The following PRKG2 variants were observed in gnomAD, a reference collection of about 807,000 sequenced individuals.
PRKG2 encodes the protein cGMP-dependent protein kinase 2.
In PRKG2, 33 loss-of-function variants were observed where a neutral mutation model predicts 97.2. That is an observed-to-expected ratio of 0.34 (90% CI 0.26 to 0.45). The LOEUF is 0.45. PRKG2 is among the 20% of genes least tolerant of loss of function. PRKG2 has a pLI of 1.00. For missense variants in PRKG2, 638 were observed against 900.0 expected (o/e 0.71, Z 3.73); for synonymous variants, 330 against 321.8 (o/e 1.03, Z -0.27).
chr4:81,181,384 A>G (rs1751394980), intron 2 of PRKG2, among the ~76,000 whole-genome samples: 2 of 151,888 alleles, frequency 1.3e-5, no homozygotes, highest in South Asian at 4.1e-4. Context: ...TGCAGTTAAA[A>G]TGATGCATAG....
Position 81,089,647 on chromosome 4 carries a change from G to T in PRKG2, c.*61C>A. The T allele has an allele frequency of 1.6e-6, 2 of 1,225,260 alleles. No homozygotes were observed. Among genetic ancestry groups the T allele is most frequent in the Non-Finnish European group, 2.4e-6 (2 of 847,306 alleles). 75.9% of individuals were successfully genotyped at this position (1,225,260 alleles called of 1,614,324 possible). On this transcript the variant is annotated 3_prime_UTR_variant, in exon 19 of 19. Coordinates refer to ENST00000264399, the MANE Select transcript of PRKG2 (RefSeq NM_006259.3). ...TACTCTGAAAAGAAAATAATGTGTT[G>T]GATTATTGATCCTTGAGGTCCTCTT... is the stretch of plus-strand genomic sequence containing the variant.
Position 81,204,562 on chromosome 4 carries a change from T to C in PRKG2, c.461+25A>G, listed in dbSNP as rs1753524320. ...TTTCACAATATTAAGCCCATCTGAG[T>C]TTAAAGGATGCGGAAATTTCTTACC... On this transcript the variant is annotated intron_variant, in intron 2 of 18. Transcript: ENST00000264399. 4 of 1,590,184 alleles carry C rather than the reference T, an allele frequency of 2.5e-6. No individual in the cohort carries two copies. The East Asian group carries it at 6.7e-5, about 27-fold the overall frequency.
intron 6 of PRKG2, among the ~76,000 whole-genome samples, chr4:81,162,219 G>A (rs1337012084): frequency 1.3e-5 from 2 of 152,134 alleles, no homozygotes; most frequent in African/African-American, 4.8e-5. Context: ...TGCACACCAG[G>A]TACCCGGTGA....
At chr4:81,190,234 A>T (rs1230233936) in intron 2 of PRKG2, among the ~76,000 whole-genome samples, 2 of 152,212 alleles carry the variant, frequency 1.3e-5, no homozygotes, top group African/African-American at 4.8e-5. Context: ...ACAGATATGT[A>T]GACCAATGGA....
chr4:81,111,807 CA>C, intron 14 of PRKG2, among the ~76,000 whole-genome samples: 1 of 152,148 alleles, frequency 6.6e-6, no homozygotes, highest in Admixed American at 6.6e-5. Context: ...TTTTCTTTCA[CA>C]GGGGTATTTA....
At chr4:81,120,546 G>A (rs910625280) in intron 14 of PRKG2, among the ~76,000 whole-genome samples, 8 of 151,576 alleles carry the variant, frequency 5.3e-5, no homozygotes, top group East Asian at 1.9e-4. Flanking sequence ...TTTCATTTTT[G>A]TGAGTACTAA....
intron 14 of PRKG2, among the ~76,000 whole-genome samples, chr4:81,116,027 A>T (rs1443540): frequency 0.11 from 16,774 of 152,072 alleles, 1,686 homozygotes; most frequent in East Asian, 0.39. Flanking sequence ...CTCTATTTGA[A>T]TCTTTTTTTT....
At chr4:81,110,646 C>A in intron 14 of PRKG2, 35 bp from the exon 15 acceptor site, 2 of 1,609,190 alleles carry the variant, frequency 1.2e-6, no homozygotes, top group East Asian at 2.2e-5. Context: ...GTGCAGAAAC[C>A]ATAAAACTCA....
At chr4:81,209,608 A>G (rs1401669989) in intron 1 of PRKG2, among the ~76,000 whole-genome samples, 1 of 152,204 alleles carries the variant, frequency 6.6e-6, no homozygotes, top group Non-Finnish European at 1.5e-5. Context: ...TTTTTAGAGG[A>G]TTAAATGAGA....
At chr4:81,179,852 C>T (rs1188421343) in intron 2 of PRKG2, among the ~76,000 whole-genome samples, 1 of 152,030 alleles carries the variant, frequency 6.6e-6, no homozygotes, top group Non-Finnish European at 1.5e-5. Context: ...AGAAAGCTAA[C>T]AAGGATAGGC....
intron 14 of PRKG2, among the ~76,000 whole-genome samples, chr4:81,114,567 TG>T (rs1744317176): frequency 6.6e-6 from 1 of 152,226 alleles, no homozygotes; most frequent in Admixed American, 6.5e-5. Flanking sequence ...TGGCTAATAA[TG>T]GTCTGGCAAT....
intron 2 of PRKG2, among the ~76,000 whole-genome samples, chr4:81,202,375 A>T (rs1753369603): frequency 6.6e-6 from 1 of 152,214 alleles, no homozygotes; most frequent in Non-Finnish European, 1.5e-5. Context: ...TTAAGGAGGT[A>T]TCTGTACTTT....
At position 81,174,819 on chromosome 4, in the gene PRKG2, G is replaced by C. The variant is rs1750783788; in HGVS notation, c.602C>G (p.Pro201Arg). The C allele has an allele frequency of 1.2e-6, 2 of 1,612,278 alleles. No homozygotes were observed. The highest frequency in any genetic ancestry group is 1.7e-5 in the Admixed American group (1 of 59,936). The change falls in exon 3 of 19, where the codon CCA becomes CGA. Residue 201 changes from proline (P) to arginine (R), a missense_variant. Physicochemically the swap from Pro to Arg is moderately radical, Grantham distance 103. Around this residue, in one of 3 missense-constraint regions of PRKG2, gnomAD observed 332 missense variants for 421.7 expected, o/e 0.79. Coordinates refer to ENST00000264399, the MANE Select transcript of PRKG2 (RefSeq NM_006259.3). Reference protein sequence around the residue: ...QGSYIIKQGEPGNHIFVLAEG... With the variant: ...QGSYIIKQGERGNHIFVLAEG... ...TGCCAGCACAAAGATATGGTTTCCT[G>C]GTTCTCCTTGCTTAATAATGTAACT...
At position 81,165,902 on chromosome 4, in the gene PRKG2, T is replaced by C. The variant is rs79396191; in HGVS notation, c.912+1259A>G. 7.3e-3 allele frequency among the ~76,000 whole-genome samples: 1,117 copies of C among 152,098 alleles called. 20 individuals are homozygous for C. The highest frequency in any genetic ancestry group is 0.026 in the African/African-American group (1,086 of 41,476). ...TGGTGAATCTACTCTATTAGTATTA[T>C]ATTAAAAACAGATTTCCTTGGTTAA... On this transcript the variant is annotated intron_variant, in intron 6 of 18. Transcript: ENST00000264399.
intron 1 of PRKG2, among the ~76,000 whole-genome samples, chr4:81,208,781 G>T (rs1578530004): frequency 6.6e-6 from 1 of 152,066 alleles, no homozygotes; most frequent in East Asian, 1.9e-4. Context: ...ATCTTCCATT[G>T]AGAAAAGAAG....
chr4:81,210,943 C>G (rs993885481), intron 1 of PRKG2, among the ~76,000 whole-genome samples: 1 of 152,066 alleles, frequency 6.6e-6, no homozygotes, highest in African/African-American at 2.4e-5. Context: ...AGAAGCCAAT[C>G]TGAAAAGCCT....
intron 17 of PRKG2, among the ~76,000 whole-genome samples, chr4:81,099,076 A>G (rs1014192022): frequency 1.3e-5 from 2 of 152,216 alleles, no homozygotes; most frequent in African/African-American, 4.8e-5. Context: ...TTACAAGTAT[A>G]TCAGCCTTCT....
intron 6 of PRKG2, among the ~76,000 whole-genome samples, chr4:81,165,681 T>C (rs1322662280): frequency 6.6e-6 from 1 of 152,214 alleles, no homozygotes; most frequent in Non-Finnish European, 1.5e-5. Context: ...AATGCTGAGA[T>C]ACAGCAAATC....
At chr4:81,210,580 G>A (rs1035630178) in intron 1 of PRKG2, among the ~76,000 whole-genome samples, 1 of 152,228 alleles carries the variant, frequency 6.6e-6, no homozygotes, top group Non-Finnish European at 1.5e-5. Flanking sequence ...TGGAGCAACA[G>A]GAATGCTCAT....
Sources: allele counts gnomAD v4.1 joint callset (sites outside exome capture counted in the v4.1 genomes callset), GRCh38; gene constraint gnomAD v4.1.1; regional missense constraint gnomAD v4.1.1; transcripts MANE v1.5; gene names NCBI Gene and HGNC (gene_info 2026-07-23, HGNC 2026-07-21).